Variants in FAT3 observed in about 807,000 individuals in gnomAD.
FAT3 encodes protocadherin Fat 3.
Under a neutral mutation model 310.2 loss-of-function variants are expected in FAT3, and 95 were observed. The ratio of observed to expected loss-of-function variants is 0.31; its 90% CI spans 0.26 to 0.36. The LOEUF is 0.36. Ranked by LOEUF, FAT3 falls within the 10% of genes least tolerant of loss-of-function variation. The pLI, the probability that FAT3 is intolerant of heterozygous loss-of-function variation, is 1.00. For synonymous variants in FAT3, 2,314 were observed against 2,192.9 expected, an observed-to-expected ratio of 1.06 and a Z score of -1.54; for missense variants, 5,408 against 5,715.6, an observed-to-expected ratio of 0.95 and a Z score of 1.74.
At chr11:92,295,887 G>A (rs538342550) in intron 1 of FAT3, among the ~76,000 whole-genome samples, 1 of 152,192 alleles carries the variant, frequency 6.6e-6, no homozygotes, top group Admixed American at 6.5e-5. Context: ...CTTCCAGGAT[G>A]GGACCCAGAC....
chr11:92,880,961 G>A (rs937041238), intron 23 of FAT3, 77 bp downstream of exon 23: 7 of 1,494,428 alleles, frequency 4.7e-6, no homozygotes, highest in Middle Eastern at 1.8e-4. Context: ...ACTAATGAGG[G>A]TAAAATATTT....
At chr11:92,886,653 G>T (rs1036439834) in intron 24 of FAT3, among the ~76,000 whole-genome samples, 1 of 152,188 alleles carries the variant, frequency 6.6e-6, no homozygotes, top group African/African-American at 2.4e-5. Flanking sequence ...TCATGTAAAT[G>T]ATGTAAATTA....
intron 1 of FAT3, among the ~76,000 whole-genome samples, chr11:92,323,310 G>A (rs371907540): frequency 2.0e-5 from 3 of 152,152 alleles, no homozygotes; most frequent in East Asian, 1.9e-4. Context: ...GTGCAATGGC[G>A]TGATCATGGC....
At chr11:92,596,165 G>A (rs954826703) in intron 3 of FAT3, among the ~76,000 whole-genome samples, 1 of 152,064 alleles carries the variant, frequency 6.6e-6, no homozygotes, top group Non-Finnish European at 1.5e-5. Context: ...AATTCTTGGG[G>A]CGAGCCTACT....
chr11:92,759,248 C>T (rs141214781), intron 4 of FAT3, among the ~76,000 whole-genome samples: 3 of 152,268 alleles, frequency 2.0e-5, no homozygotes, highest in East Asian at 3.9e-4. Context: ...GCATTAGAGC[C>T]TCATTTATTA....
intron 4 of FAT3, among the ~76,000 whole-genome samples, chr11:92,714,992 G>A (rs1366507286): frequency 6.6e-6 from 1 of 151,578 alleles, no homozygotes; most frequent in Non-Finnish European, 1.5e-5. Flanking sequence ...CATTCCAGTA[G>A]TTTATGGGGT....
intron 2 of FAT3, among the ~76,000 whole-genome samples, chr11:92,412,746 A>AACATATATATATATAT: frequency 5.5e-5 from 1 of 18,072 alleles, no homozygotes; most frequent in East Asian, 1.7e-3. Flanking sequence ...TATATATATA[A>AACATATATATATATAT]ATATACATAC....
intron 4 of FAT3, among the ~76,000 whole-genome samples, chr11:92,709,062 AG>A (rs1380643467): frequency 6.6e-6 from 1 of 152,158 alleles, no homozygotes; most frequent in Non-Finnish European, 1.5e-5. Flanking sequence ...CCAAGCATCC[AG>A]GAGCTCCATA....
chr11:92,712,664 C>G (rs1274351355), intron 4 of FAT3, among the ~76,000 whole-genome samples: 6 of 152,196 alleles, frequency 3.9e-5, no homozygotes, highest in African/African-American at 1.4e-4. Context: ...AATCTCACCT[C>G]AACTTTACAA....
rs1185615008 is a variant in FAT3, at chr11:92,774,021, T to C, written c.4196-20T>C. 6.2e-7 allele frequency: 1 copy of C among 1,611,276 alleles called. No homozygotes were observed. The highest frequency in any genetic ancestry group is 8.5e-7 in the Non-Finnish European group (1 of 1,178,832). The stretch of plus-strand genomic sequence containing the variant: ...CAAGTTATCAGATTTGCTAATTTCA[T>C]GTTTCTGTGAAATCATCAGGGGGGA... On this transcript the variant is annotated intron_variant, in intron 6 of 27. Coordinates refer to ENST00000525166, the MANE Select transcript of FAT3 (RefSeq NM_001367949.2).
chr11:92,564,566 C>A (rs1023925606), intron 3 of FAT3, among the ~76,000 whole-genome samples: 2 of 152,190 alleles, frequency 1.3e-5, no homozygotes, highest in African/African-American at 4.8e-5. Context: ...CTCTCCACCC[C>A]AAATCAACAG....
intron 9 of FAT3, among the ~76,000 whole-genome samples, chr11:92,797,221 C>T (rs1006634833): frequency 7.9e-5 from 12 of 152,252 alleles, no homozygotes; most frequent in African/African-American, 2.6e-4. Context: ...TAATGACTTG[C>T]CAAGAATTCT....
At chr11:92,564,941 T>C (rs1955374532) in intron 3 of FAT3, among the ~76,000 whole-genome samples, 1 of 140,900 alleles carries the variant, frequency 7.1e-6, no homozygotes. Context: ...GCAGGAAAGA[T>C]CCAAAATTGA....
At chr11:92,612,749 G>A (rs745770234) in intron 3 of FAT3, among the ~76,000 whole-genome samples, 3 of 152,136 alleles carry the variant, frequency 2.0e-5, no homozygotes, top group Non-Finnish European at 4.4e-5. Flanking sequence ...AGGTGGGAAC[G>A]ATGGCAGTGG....
chr11:92,368,844 A>ATATATATATATATG (rs1949093977), intron 2 of FAT3, among the ~76,000 whole-genome samples: 1 of 146,804 alleles, frequency 6.8e-6, no homozygotes, highest in African/African-American at 2.6e-5. Context: ...ATATATATAT[A>ATATATATATATATG]TATACACACA....
chr11:92,227,752 CTT>C lies in FAT3; in HGVS notation c.-18+2591_-18+2592del, dbSNP rs151286236. Among the ~76,000 whole-genome samples, 267 of 140,514 alleles carry C rather than the reference CTT, an allele frequency of 1.9e-3. 1 individual carries two copies. Among genetic ancestry groups the C allele is most frequent in the South Asian group, 0.01 (45 of 4,474 alleles). 92.2% of individuals were successfully genotyped at this position (140,514 alleles called of 152,430 possible). On this transcript the variant is annotated intron_variant, in intron 1 of 27. Coordinates refer to ENST00000525166, the MANE Select transcript of FAT3 (RefSeq NM_001367949.2). ...GCTTCTGCTTTTTTTCTTTCTTCTTCTTTTTTTTTTTTTTCTTTATTCCTAAA... is the reference window on the plus strand; with the variant it reads ...GCTTCTGCTTTTTTTCTTTCTTCTTCTTTTTTTTTTTTCTTTATTCCTAAA...
intron 3 of FAT3, among the ~76,000 whole-genome samples, chr11:92,584,698 A>T (rs1295759458): frequency 6.6e-6 from 1 of 152,074 alleles, no homozygotes; most frequent in Admixed American, 6.6e-5. Context: ...TGGGGAATGC[A>T]TATATTTTAG....
intron 13 of FAT3, among the ~76,000 whole-genome samples, chr11:92,818,650 A>C (rs757692466): frequency 1.3e-5 from 2 of 152,172 alleles, no homozygotes; most frequent in African/African-American, 4.8e-5. Flanking sequence ...GAAAGCTCTG[A>C]TGATTAGTGA....
In FAT3 at chr11:92,801,174, A is replaced by G. The variant is rs1377879400; in HGVS notation, c.8161A>G (p.Thr2721Ala). 5 of 1,613,916 alleles carry G rather than the reference A, an allele frequency of 3.1e-6. No homozygotes were observed. The Admixed American group carries it at 5.0e-5, about 16-fold the overall frequency. The change falls in exon 10 of 28, where the codon ACA (threonine) becomes GCA (alanine). Residue 2721 changes from threonine to alanine, a missense_variant. Coordinates refer to ENST00000525166, the MANE Select transcript of FAT3 (RefSeq NM_001367949.2). ...SQYSFTIAED[T>A]AIGSTVDTLR... ...GTATTCCTTTACCATTGCAGAAGAT[A>G]CAGCCATTGGGAGTACAGTGGACAC...
Sources: gnomAD v4.1 joint callset for allele counts (sites outside exome capture counted in the v4.1 genomes callset) on GRCh38, gnomAD v4.1.1 for gene constraint, MANE v1.5 for transcripts, NCBI Gene and HGNC (gene_info 2026-07-23, HGNC 2026-07-21) for gene names.